Variants in KIF16B observed in about 807,000 individuals in gnomAD.
KIF16B encodes the protein kinesin-like protein KIF16B.
A neutral mutation model predicts 156.3 loss-of-function variants in KIF16B; 98 were observed. The observed-to-expected ratio is 0.63, with a 90% CI of 0.53 to 0.74. The LOEUF (loss-of-function observed/expected upper bound fraction) is 0.74. Among genes scored for constraint, KIF16B ranks in the 30% least tolerant of loss-of-function variants. The probability of loss-of-function intolerance (pLI) is 0.00; values close to 1 mark genes in which losing one functional copy is unlikely to be tolerated. For synonymous variants in KIF16B, 564 were observed against 583.7 expected (o/e 0.97, Z 0.49); for missense variants, 1,421 against 1,606.5 (o/e 0.88, Z 1.97).
At chr20:16,454,798 A>G (rs2067172041) in intron 12 of KIF16B, among the ~76,000 whole-genome samples, 1 of 152,208 alleles carries the variant, frequency 6.6e-6, no homozygotes, top group East Asian at 1.9e-4. Flanking sequence ...TCGAATAAAT[A>G]CAAACACTGT....
chr20:16,385,127 G>A (rs1341477467), intron 17 of KIF16B, among the ~76,000 whole-genome samples: 2 of 151,874 alleles, frequency 1.3e-5, no homozygotes, highest in African/African-American at 4.8e-5. Flanking sequence ...AACCCAGGAG[G>A]TGGAGGTTGC....
At chr20:16,399,356 C>T (rs2065591861) in intron 17 of KIF16B, among the ~76,000 whole-genome samples, 1 of 152,176 alleles carries the variant, frequency 6.6e-6, no homozygotes, top group Non-Finnish European at 1.5e-5. Context: ...AAAGATAATA[C>T]TACCACCGTC....
intron 12 of KIF16B, among the ~76,000 whole-genome samples, chr20:16,475,069 C>T (rs377723035): frequency 6.6e-6 from 1 of 152,266 alleles, no homozygotes; most frequent in East Asian, 1.9e-4. Flanking sequence ...AGTTTGTCTC[C>T]AGTTCTTTCA....
chr20:16,562,818 A>G (rs2071114865), intron 1 of KIF16B, among the ~76,000 whole-genome samples: 2 of 152,270 alleles, frequency 1.3e-5, no homozygotes, highest in African/African-American at 4.8e-5. Context: ...GAAGACGGGC[A>G]TATGAGACAG....
chr20:16,489,310 C>T (rs62199775), intron 12 of KIF16B, among the ~76,000 whole-genome samples: 1,792 of 152,174 alleles, frequency 0.012, 18 homozygotes, highest in Middle Eastern at 0.065. Flanking sequence ...GATCCAGGAG[C>T]CCAGAAAAGG....
At chr20:16,286,528 G>A (rs1406517282) in intron 25 of KIF16B, among the ~76,000 whole-genome samples, 6 of 152,186 alleles carry the variant, frequency 3.9e-5, no homozygotes, top group Admixed American at 3.9e-4. Context: ...GCTGAGAGAG[G>A]TTGGATTAGA....
At chr20:16,441,655 A>AT (rs1254639531) in intron 12 of KIF16B, among the ~76,000 whole-genome samples, 1 of 152,170 alleles carries the variant, frequency 6.6e-6, no homozygotes, top group African/African-American at 2.4e-5. Context: ...GCTCTCAGGA[A>AT]TTTTACATCC....
At chr20:16,423,972 A>C (rs2066288802) in intron 15 of KIF16B, among the ~76,000 whole-genome samples, 1 of 152,112 alleles carries the variant, frequency 6.6e-6, no homozygotes, top group African/African-American at 2.4e-5. Context: ...CTCATCTGCC[A>C]ACCAATTATG....
At chr20:16,357,667 T>C (rs2064470547) in intron 22 of KIF16B, among the ~76,000 whole-genome samples, 1 of 152,084 alleles carries the variant, frequency 6.6e-6, no homozygotes, top group South Asian at 2.1e-4. Context: ...AACTTGAGAG[T>C]GTCAACTTAG....
chr20:16,515,102 C>T (rs1430848973), intron 4 of KIF16B, among the ~76,000 whole-genome samples: 1 of 151,672 alleles, frequency 6.6e-6, no homozygotes, highest in Admixed American at 6.6e-5. Flanking sequence ...ATAATTCTAA[C>T]TTTTTAATGT....
intron 12 of KIF16B, among the ~76,000 whole-genome samples, chr20:16,448,963 A>G (rs987627094): frequency 3.3e-5 from 5 of 152,074 alleles, no homozygotes; most frequent in Admixed American, 6.5e-5. Context: ...AGAAGGAGAA[A>G]GAATACAATC....
chr20:16,433,437 C>T (rs958453195), intron 12 of KIF16B, among the ~76,000 whole-genome samples: 3 of 152,084 alleles, frequency 2.0e-5, no homozygotes, highest in Admixed American at 6.6e-5. Flanking sequence ...ATCCCAGTTT[C>T]GTTTACTATT....
At chr20:16,446,656 C>T (rs183745008) in intron 12 of KIF16B, among the ~76,000 whole-genome samples, 61 of 152,194 alleles carry the variant, frequency 4.0e-4, no homozygotes, top group African/African-American at 1.2e-3. Flanking sequence ...ATATATGAAA[C>T]TACAGCTTCC....
At chr20:16,475,171 C>T (rs2067774472) in intron 12 of KIF16B, among the ~76,000 whole-genome samples, 1 of 152,142 alleles carries the variant, frequency 6.6e-6, no homozygotes, top group Non-Finnish European at 1.5e-5. Flanking sequence ...GTAAAAGTTC[C>T]CATAGAGTGC....
chr20:16,273,498 C>T, intron 25 of KIF16B, 87 bp from the exon 26 acceptor site: 3 of 1,055,644 alleles, frequency 2.8e-6, no homozygotes, highest in Admixed American at 3.7e-5. Context: ...TGAGACCAGT[C>T]CAGGCAACAT....
At chr20:16,472,783 T>C (rs2067701173) in intron 12 of KIF16B, among the ~76,000 whole-genome samples, 1 of 152,172 alleles carries the variant, frequency 6.6e-6, no homozygotes, top group Non-Finnish European at 1.5e-5. Flanking sequence ...ATTCTGCCCT[T>C]GTCAACCTAT....
At chr20:16,512,728 A>T in intron 5 of KIF16B, 98 bp downstream of exon 5, 1 of 718,118 alleles carries the variant, frequency 1.4e-6, no homozygotes, top group Non-Finnish European at 2.4e-6. Context: ...TTTCTTTAGG[A>T]ATCTAAAGAC....
chr20:16,504,557 A>G lies in KIF16B; in HGVS notation c.1001-10T>C. On this transcript the variant is annotated splice_polypyrimidine_tract_variant and intron_variant, in intron 9 of 25. Transcript: ENST00000354981. Reference sequence around the variant, plus strand: ...TCAGCAGGTGAAATGGCTGTGAAGAATGTATTCAAAAAATAATTTATCCAG... The same window carrying G: ...TCAGCAGGTGAAATGGCTGTGAAGAGTGTATTCAAAAAATAATTTATCCAG... The G allele has an allele frequency of 2.5e-6, 4 of 1,609,392 alleles. No homozygotes were observed. The highest frequency in any genetic ancestry group is 3.4e-6 in the Non-Finnish European group (4 of 1,176,324).
In KIF16B at chr20:16,368,352, G is replaced by A. The variant is rs576403816; in HGVS notation, c.3498+2234C>T. On this transcript the variant is annotated intron_variant, in intron 22 of 25. Transcript: ENST00000354981. ...TCAGGCTCCCTGCAGCTTCGCTCTC[G>A]CTGCTGCCAACCCGAGCTTCCGGAG... 216 of 989,026 alleles carry A rather than the reference G, an allele frequency of 2.2e-4. No individual in the cohort carries two copies. In the African/African-American group the frequency reaches 2.9e-3, roughly 13 times the overall value. The allele number at this position is 989,026 out of a possible 1,614,324, so 61.3% of individuals were successfully genotyped here. A position where few individuals can be genotyped will look rare whatever the true frequency, so the allele number is the denominator to read the frequency against.
Sources: gnomAD v4.1 joint callset for allele counts (sites outside exome capture counted in the v4.1 genomes callset) on GRCh38, gnomAD v4.1.1 for gene constraint, MANE v1.5 for transcripts, NCBI Gene and HGNC (gene_info 2026-07-23, HGNC 2026-07-21) for gene names.